CEP112: variants seen among roughly 807,000 people sequenced by gnomAD.
CEP112 encodes the protein centrosomal protein of 112 kDa.
A neutral mutation model predicts 153.0 loss-of-function variants in CEP112; 127 were observed. The observed-to-expected ratio is 0.83, with a 90% CI of 0.72 to 0.96. The LOEUF (loss-of-function observed/expected upper bound fraction) is 0.96, where lower values mean the gene tolerates loss of function less well. CEP112 is among the 40% of genes least tolerant of loss of function. The pLI, the probability that CEP112 is intolerant of heterozygous loss-of-function variation, is 0.00. For missense variants in CEP112, 1,089 were observed against 1,101.2 expected, an observed-to-expected ratio of 0.99 and a Z score of 0.16; for synonymous variants, 358 against 374.4, an observed-to-expected ratio of 0.96 and a Z score of 0.51.
At chr17:66,003,896 C>T (rs912663902) in intron 17 of CEP112, among the ~76,000 whole-genome samples, 1 of 152,152 alleles carries the variant, frequency 6.6e-6, no homozygotes, top group Admixed American at 6.5e-5. Context: ...CCACCCACCC[C>T]CTATCCATGG....
chr17:66,101,771 C>T (rs1163238170), intron 6 of CEP112, among the ~76,000 whole-genome samples: 1 of 151,528 alleles, frequency 6.6e-6, no homozygotes, highest in African/African-American at 2.4e-5. Flanking sequence ...TAAATACATG[C>T]TGGAAAAAAA....
intron 19 of CEP112, among the ~76,000 whole-genome samples, chr17:65,916,180 T>C (rs2060471976): frequency 1.3e-5 from 2 of 151,936 alleles, no homozygotes; most frequent in Admixed American, 6.6e-5. Flanking sequence ...ACAAACACTT[T>C]AGCTTGCTCT....
At chr17:65,982,460 T>C (rs973983243) in intron 17 of CEP112, among the ~76,000 whole-genome samples, 5 of 152,248 alleles carry the variant, frequency 3.3e-5, no homozygotes, top group African/African-American at 9.6e-5. Flanking sequence ...TCTATGATTA[T>C]CAGACAACAT....
In CEP112 at chr17:66,053,909, T is replaced by A. The variant is rs748527499; in HGVS notation, c.1075-30A>T. 20 of 1,584,914 alleles carry A rather than the reference T, an allele frequency of 1.3e-5. No homozygotes were observed. The East Asian group carries it at 4.3e-4, about 34-fold the overall frequency. On this transcript the variant is annotated intron_variant, in intron 11 of 26. Transcript: ENST00000535342. Reference sequence around the variant, plus strand: ...ATCAGGAAATCAAGAGTTGACTCTTTTACTACTATGGAATTGACTATTTTG... The same window carrying A: ...ATCAGGAAATCAAGAGTTGACTCTTATACTACTATGGAATTGACTATTTTG...
chr17:65,934,807 G>A (rs2061249593), intron 18 of CEP112, among the ~76,000 whole-genome samples: 1 of 152,186 alleles, frequency 6.6e-6, no homozygotes, highest in Non-Finnish European at 1.5e-5. Flanking sequence ...CATGAGACTG[G>A]GCAATTTATG....
chr17:65,821,724 G>C (rs760050971), intron 21 of CEP112, among the ~76,000 whole-genome samples: 1 of 149,724 alleles, frequency 6.7e-6, no homozygotes, highest in Non-Finnish European at 1.5e-5. Context: ...GCTAATTTTT[G>C]CATTTTTAGT....
In CEP112 at chr17:66,129,735, C is replaced by G. The variant is rs1568524971; in HGVS notation, c.642+11G>C. 3 of 1,579,934 alleles carry G rather than the reference C, an allele frequency of 1.9e-6. No homozygotes were observed. The highest frequency in any genetic ancestry group is 1.7e-5 in the Admixed American group (1 of 58,686). On this transcript the variant is annotated intron_variant, in intron 6 of 26. Transcript: ENST00000535342. ...CATCTATATATACATAAAGCAAATA[C>G]TTTTTTTTACCCCAAGATTCCAACT...
chr17:65,637,553 T>A (rs897788624), intron 25 of CEP112, among the ~76,000 whole-genome samples: 1 of 152,228 alleles, frequency 6.6e-6, no homozygotes, highest in Non-Finnish European at 1.5e-5. Flanking sequence ...CTTGTCTTTC[T>A]GTCTCCCATT....
chr17:65,908,694 C>CA (rs60416390), intron 19 of CEP112, among the ~76,000 whole-genome samples: 145,375 of 146,640 alleles, frequency 0.99, 72,058 homozygotes, highest in East Asian at 1. Flanking sequence ...AACTCTGTCT[C>CA]AAAAAAAAAA....
intron 6 of CEP112, among the ~76,000 whole-genome samples, chr17:66,124,713 GA>G (rs1405380469): frequency 1.3e-5 from 2 of 151,690 alleles, no homozygotes; most frequent in Middle Eastern, 3.4e-3. Context: ...AGTTAAGGAA[GA>G]AAAAAAACAC....
chr17:66,148,679 TTTAA>T (rs1379707295), intron 4 of CEP112, among the ~76,000 whole-genome samples: 10 of 152,200 alleles, frequency 6.6e-5, no homozygotes, highest in Non-Finnish European at 1.2e-4. Flanking sequence ...CATATAAAAA[TTTAA>T]TTAATTTTTT....
intron 4 of CEP112, among the ~76,000 whole-genome samples, chr17:66,134,170 T>C (rs1190242544): frequency 2.6e-5 from 4 of 152,216 alleles, no homozygotes; most frequent in Admixed American, 2.6e-4. Flanking sequence ...TGAAAAATGC[T>C]TAAATATTAA....
At chr17:65,655,034 A>G (rs2143700951) in intron 24 of CEP112, 1 of 680,206 alleles carries the variant, frequency 1.5e-6, no homozygotes, top group Non-Finnish European at 2.8e-6. Flanking sequence ...CTCGGATAGT[A>G]TCACTCTTGA....
intron 18 of CEP112, among the ~76,000 whole-genome samples, chr17:65,958,521 G>A (rs1387011535): frequency 6.6e-6 from 1 of 152,212 alleles, no homozygotes; most frequent in Non-Finnish European, 1.5e-5. Context: ...TCTCCTTGCT[G>A]TCCGTGCCCA....
chr17:65,707,851 G>A (rs1323629365), intron 23 of CEP112, among the ~76,000 whole-genome samples: 1 of 152,230 alleles, frequency 6.6e-6, no homozygotes, highest in Non-Finnish European at 1.5e-5. Context: ...TTCATGTACT[G>A]TGAAAGAACT....
chr17:65,980,736 G>A (rs1474503532), intron 17 of CEP112, among the ~76,000 whole-genome samples: 1 of 152,090 alleles, frequency 6.6e-6, no homozygotes, highest in Non-Finnish European at 1.5e-5. Context: ...TGTACCACCA[G>A]GCTCTGCGCT....
At chr17:65,698,264 C>T (rs1415686568) in intron 23 of CEP112, among the ~76,000 whole-genome samples, 1 of 152,156 alleles carries the variant, frequency 6.6e-6, no homozygotes, top group Non-Finnish European at 1.5e-5. Context: ...TGAGCTATTG[C>T]TATAGTACTT....
intron 8 of CEP112, among the ~76,000 whole-genome samples, chr17:66,083,394 T>C (rs557557012): frequency 6.6e-5 from 10 of 152,146 alleles, no homozygotes; most frequent in Non-Finnish European, 1.5e-4. Context: ...TACCCAGTCT[T>C]GGGTATGTCT....
At position 65,637,337 on chromosome 17, in the gene CEP112, T is replaced by C. The variant is rs2044826633; in HGVS notation, c.2800-149A>G. ...GAATGTCAATGTTGTGTTTTTTACA[T>C]TTGGTCACATCCCATCCTTATTGAA... On this transcript the variant is annotated intron_variant, in intron 25 of 26. Transcript: ENST00000535342. 5 of 659,328 alleles carry C rather than the reference T, an allele frequency of 7.6e-6. No homozygotes were observed. In the Admixed American group the frequency reaches 1.2e-4, roughly 16 times the overall value. 40.8% of individuals were successfully genotyped at this position (659,328 alleles called of 1,614,324 possible).
Sources: allele counts gnomAD v4.1 joint callset (sites outside exome capture counted in the v4.1 genomes callset), GRCh38; gene constraint gnomAD v4.1.1; transcripts MANE v1.5; gene names NCBI Gene and HGNC (gene_info 2026-07-23, HGNC 2026-07-21).